The following RIT2 variants were observed in gnomAD, a reference collection of about 807,000 sequenced individuals.
The protein encoded by RIT2 is GTP-binding protein Rit2.
Under a neutral mutation model 23.7 loss-of-function variants are expected in RIT2, and 24 were observed. The ratio of observed to expected loss-of-function variants is 1.01; its 90% CI spans 0.73 to 1.43. The LOEUF is 1.43. RIT2 is among the 40% of genes most tolerant of loss of function. RIT2 has a pLI of 0.00. For synonymous variants in RIT2, 107 were observed against 91.1 expected, an observed-to-expected ratio of 1.17 and a Z score of -0.99; for missense variants, 236 against 266.9, an observed-to-expected ratio of 0.88 and a Z score of 0.81.
chr18:42,898,333 G>A (rs1235684225), intron 4 of RIT2, among the ~76,000 whole-genome samples: 1 of 152,136 alleles, frequency 6.6e-6, no homozygotes, highest in East Asian at 1.9e-4. Flanking sequence ...GGCAGAGGTT[G>A]CAGTGAGCTG....
intron 2 of RIT2, among the ~76,000 whole-genome samples, chr18:43,031,037 T>A (rs1313834811): frequency 6.6e-6 from 1 of 151,908 alleles, no homozygotes; most frequent in Non-Finnish European, 1.5e-5. Context: ...CCTGGTAATG[T>A]ATTTAGCTCT....
intron 1 of RIT2, among the ~76,000 whole-genome samples, chr18:43,070,493 T>C (rs1174447832): frequency 1.3e-5 from 2 of 152,182 alleles, no homozygotes; most frequent in Non-Finnish European, 2.9e-5. Context: ...CGAAGGACTG[T>C]GCTAGAAACA....
At chr18:43,000,013 C>T (rs1911068303) in intron 2 of RIT2, among the ~76,000 whole-genome samples, 2 of 151,934 alleles carry the variant, frequency 1.3e-5, no homozygotes, top group African/African-American at 2.4e-5. Context: ...TTTTAAAATT[C>T]TAAGAAAATG....
intron 4 of RIT2, among the ~76,000 whole-genome samples, chr18:42,910,406 A>G (rs929136404): frequency 2.6e-5 from 4 of 152,110 alleles, no homozygotes; most frequent in African/African-American, 9.7e-5. Flanking sequence ...TGGGTATAAG[A>G]GGGTGGTTTC....
chr18:42,957,476 T>C (rs1011459413), intron 3 of RIT2, among the ~76,000 whole-genome samples: 1 of 152,182 alleles, frequency 6.6e-6, no homozygotes, highest in African/African-American at 2.4e-5. Context: ...CTTCTCACAG[T>C]ATTTTATCAG....
At chr18:42,773,666 A>G (rs1913602159) in intron 4 of RIT2, among the ~76,000 whole-genome samples, 1 of 152,202 alleles carries the variant, frequency 6.6e-6, no homozygotes, top group Non-Finnish European at 1.5e-5. Flanking sequence ...GTAATTAGTC[A>G]ATTTAATATA....
chr18:42,769,925 G>A (rs1044094728), intron 4 of RIT2, among the ~76,000 whole-genome samples: 3 of 151,562 alleles, frequency 2.0e-5, no homozygotes, highest in Admixed American at 6.6e-5. Flanking sequence ...GGGAGAATGA[G>A]TGAACCTTAG....
intron 2 of RIT2, among the ~76,000 whole-genome samples, chr18:43,006,790 A>C (rs1372276531): frequency 6.6e-6 from 1 of 151,638 alleles, no homozygotes. Context: ...AATATTAAAA[A>C]CTATAATTCA....
chr18:43,009,546 T>A (rs1310911304), intron 2 of RIT2, among the ~76,000 whole-genome samples: 4 of 151,656 alleles, frequency 2.6e-5, no homozygotes, highest in Non-Finnish European at 5.9e-5. Context: ...TCAGAGAAAT[T>A]AGGCAGCTGG....
chr18:43,057,798 C>CTTT lies in RIT2; in HGVS notation c.104-23934_104-23932dup, dbSNP rs11393575. On this transcript the variant is annotated intron_variant, in intron 1 of 4. Transcript: ENST00000326695. ...GAGCTAATCTTCCAAGTGATGGACA[C>CTTT]TTTTTTTTTTTTTTTTTATCATCTA... 7.0e-4 allele frequency among the ~76,000 whole-genome samples: 86 copies of CTTT among 122,672 alleles called. 9 individuals carry two copies. Among genetic ancestry groups the CTTT allele is most frequent in the African/African-American group, 2.4e-3 (79 of 32,966 alleles). The allele number at this position is 122,672 out of a possible 152,430, so 80.5% of individuals were successfully genotyped here.
intron 4 of RIT2, among the ~76,000 whole-genome samples, chr18:42,890,604 G>A (rs1908145621): frequency 6.6e-6 from 1 of 151,840 alleles, no homozygotes; most frequent in Non-Finnish European, 1.5e-5. Context: ...AGGGAGGAAA[G>A]AAGGGAGTGA....
At chr18:42,948,833 A>T (rs1264970637) in intron 3 of RIT2, among the ~76,000 whole-genome samples, 3 of 151,880 alleles carry the variant, frequency 2.0e-5, no homozygotes, top group African/African-American at 7.3e-5. Flanking sequence ...CCCTCAAACC[A>T]CCCACTTTCC....
chr18:42,976,442 T>C (rs1402777571), intron 2 of RIT2, among the ~76,000 whole-genome samples: 4 of 152,096 alleles, frequency 2.6e-5, no homozygotes, highest in Non-Finnish European at 5.9e-5. Flanking sequence ...TGTATTTGAA[T>C]GAGGTATCTG....
intron 4 of RIT2, among the ~76,000 whole-genome samples, chr18:42,898,082 C>T (rs1008533097): frequency 1.3e-5 from 2 of 152,132 alleles, no homozygotes; most frequent in African/African-American, 4.8e-5. Flanking sequence ...GCTTTGTAGG[C>T]TCCCTAACTT....
At chr18:43,102,311 G>A (rs1411757699) in intron 1 of RIT2, among the ~76,000 whole-genome samples, 1 of 152,080 alleles carries the variant, frequency 6.6e-6, no homozygotes, top group African/African-American at 2.4e-5. Context: ...ATTGTTCTTT[G>A]TTATGTTAGT....
intron 2 of RIT2, among the ~76,000 whole-genome samples, chr18:43,025,843 G>A (rs997326640): frequency 8.6e-5 from 13 of 151,946 alleles, no homozygotes; most frequent in African/African-American, 1.2e-4. Context: ...TGGGATGGTC[G>A]GGGGGTGTGA....
chr18:42,844,824 A>T (rs948763252), intron 4 of RIT2, among the ~76,000 whole-genome samples: 5 of 152,176 alleles, frequency 3.3e-5, no homozygotes, highest in Non-Finnish European at 7.4e-5. Flanking sequence ...GTGGGGTTTT[A>T]CAGGGGACCT....
intron 4 of RIT2, among the ~76,000 whole-genome samples, chr18:42,777,189 C>A (rs991110673): frequency 6.6e-6 from 1 of 151,272 alleles, no homozygotes; most frequent in Non-Finnish European, 1.5e-5. Context: ...ATCAAAAATT[C>A]TGCTCAGAAA....
intron 1 of RIT2, among the ~76,000 whole-genome samples, chr18:43,094,335 T>C (rs1490346828): frequency 6.6e-6 from 1 of 151,984 alleles, no homozygotes; most frequent in African/African-American, 2.4e-5. Context: ...TAGATTAGCT[T>C]CAAATCCACC....
Sources: allele counts gnomAD v4.1 joint callset (sites outside exome capture counted in the v4.1 genomes callset), GRCh38; gene constraint gnomAD v4.1.1; transcripts MANE v1.5; gene names NCBI Gene and HGNC (gene_info 2026-07-23, HGNC 2026-07-21).